The following KHDRBS2 variants were observed in gnomAD, a reference collection of about 807,000 sequenced individuals.
KHDRBS2 encodes the protein KH domain-containing, RNA-binding, signal transduction-associated protein 2.
A neutral mutation model predicts 44.3 loss-of-function variants in KHDRBS2; 26 were observed. The ratio of observed to expected loss-of-function variants is 0.59; its 90% confidence interval spans 0.43 to 0.81. KHDRBS2 has a LOEUF of 0.81. KHDRBS2 is among the 40% of genes least tolerant of loss of function. The pLI is 0.00. For synonymous variants in KHDRBS2, 194 were observed against 151.1 expected, an observed-to-expected ratio of 1.28 and a Z score of -2.08; for missense variants, 476 against 433.1, an observed-to-expected ratio of 1.10 and a Z score of -0.88.
At chr6:61,807,810 C>T (rs1489357487) in intron 6 of KHDRBS2, among the ~76,000 whole-genome samples, 1 of 151,932 alleles carries the variant, frequency 6.6e-6, no homozygotes, top group Non-Finnish European at 1.5e-5. Flanking sequence ...CACATGTACC[C>T]CTGAACCTAA....
At chr6:61,857,590 T>TAA (rs4038087) in intron 6 of KHDRBS2, among the ~76,000 whole-genome samples, 1 of 151,168 alleles carries the variant, frequency 6.6e-6, no homozygotes, top group Non-Finnish European at 1.5e-5. Flanking sequence ...ACTTCATATT[T>TAA]ATTTTTCATA....
chr6:61,689,309 C>T (rs149835196), intron 8 of KHDRBS2, among the ~76,000 whole-genome samples: 2 of 152,040 alleles, frequency 1.3e-5, no homozygotes, highest in African/African-American at 2.4e-5. Flanking sequence ...AAGTATAGCA[C>T]TTTCCTTTTT....
At chr6:62,003,162 G>A (rs1778583309) in intron 3 of KHDRBS2, among the ~76,000 whole-genome samples, 1 of 151,856 alleles carries the variant, frequency 6.6e-6, no homozygotes, top group Non-Finnish European at 1.5e-5. Context: ...TCCAAGTCAT[G>A]GGTTTCTAGT....
chr6:62,210,419 C>T (rs926606450), intron 1 of KHDRBS2, among the ~76,000 whole-genome samples: 8 of 150,934 alleles, frequency 5.3e-5, no homozygotes, highest in African/African-American at 1.5e-4. Flanking sequence ...CAAACTCCGC[C>T]TCCCAGGTTC....
At chr6:62,073,239 A>G (rs1477779757) in intron 2 of KHDRBS2, among the ~76,000 whole-genome samples, 3 of 151,790 alleles carry the variant, frequency 2.0e-5, no homozygotes, top group African/African-American at 4.8e-5. Context: ...TTATCTGTAC[A>G]TGTCATAGTT....
At chr6:61,796,026 A>T (rs997284503) in intron 6 of KHDRBS2, among the ~76,000 whole-genome samples, 3 of 152,098 alleles carry the variant, frequency 2.0e-5, no homozygotes, top group Non-Finnish European at 4.4e-5. Context: ...GTCACTTTTA[A>T]CTGAGTAATC....
At chr6:61,932,854 T>C (rs988568178) in intron 4 of KHDRBS2, among the ~76,000 whole-genome samples, 2 of 152,182 alleles carry the variant, frequency 1.3e-5, no homozygotes, top group African/African-American at 4.8e-5. Flanking sequence ...ACTTGGCTTC[T>C]TTCCATTAAA....
At chr6:62,080,920 T>A (rs1797268892) in intron 2 of KHDRBS2, among the ~76,000 whole-genome samples, 1 of 152,132 alleles carries the variant, frequency 6.6e-6, no homozygotes. Flanking sequence ...AGCCTTCTTC[T>A]ATAGCTTATG....
At chr6:61,719,316 CT>C (rs1287614325) in intron 7 of KHDRBS2, among the ~76,000 whole-genome samples, 4 of 151,636 alleles carry the variant, frequency 2.6e-5, no homozygotes, top group Admixed American at 6.6e-5. Context: ...ATGAAAACCA[CT>C]TTTTTTCTAC....
the KHDRBS2 span, among the ~76,000 whole-genome samples, chr6:61,642,381 C>T: frequency 1.3e-5 from 2 of 151,654 alleles, no homozygotes; most frequent in Non-Finnish European, 2.9e-5. Flanking sequence ...TTAGGCCAGG[C>T]GCTGTGGCTC....
At chr6:61,770,289 C>A (rs1279146144) in intron 6 of KHDRBS2, among the ~76,000 whole-genome samples, 1 of 152,202 alleles carries the variant, frequency 6.6e-6, no homozygotes, top group Non-Finnish European at 1.5e-5. Flanking sequence ...CTCTCCTCCT[C>A]CAAAGGAAGG....
chr6:61,998,965 G>A (rs1299005779), intron 3 of KHDRBS2, among the ~76,000 whole-genome samples: 1 of 151,854 alleles, frequency 6.6e-6, no homozygotes, highest in African/African-American at 2.4e-5. Context: ...ATAAGCTTTA[G>A]GCTTAGCTAT....
the KHDRBS2 span, among the ~76,000 whole-genome samples, chr6:61,665,381 TTATAAG>T: frequency 2.6e-5 from 4 of 151,432 alleles, no homozygotes; most frequent in African/African-American, 9.7e-5. Context: ...GTTGCATCAC[TTATAAG>T]TAATGCTTGC....
the KHDRBS2 span, among the ~76,000 whole-genome samples, chr6:61,581,956 A>T: frequency 4.6e-5 from 7 of 151,822 alleles, no homozygotes; most frequent in Admixed American, 4.6e-4. Context: ...GACATAAGTA[A>T]CAAGGGTGTA....
In KHDRBS2 at chr6:61,931,067, A is replaced by G. The variant is rs73760133; in HGVS notation, c.484-29696T>C. 6.7e-3 allele frequency among the ~76,000 whole-genome samples: 1,015 copies of G among 152,152 alleles called. 8 individuals are homozygous for G. The highest frequency in any genetic ancestry group is 0.023 in the African/African-American group (961 of 41,556). On this transcript the variant is annotated intron_variant, in intron 4 of 8. Coordinates refer to ENST00000281156, the MANE Select transcript of KHDRBS2 (RefSeq NM_152688.4). ...ATGTGAATCAACAAAAAATTCAATC[A>G]TATTACACATATACAATAAAATATT...
intron 2 of KHDRBS2, among the ~76,000 whole-genome samples, chr6:62,163,500 T>A (rs1250742787): frequency 6.6e-6 from 1 of 152,038 alleles, no homozygotes; most frequent in Non-Finnish European, 1.5e-5. Context: ...GGTAGAACAT[T>A]TAGCCGTATG....
rs139334986 is a variant in KHDRBS2, at chr6:61,803,145, C to T, written c.811-70381G>A. ...TCATGATGCCTTGCTTCCTCCTACTCCTCATAATCAATTCTTTAGTAGTTG... is the reference window on the plus strand; with the variant it reads ...TCATGATGCCTTGCTTCCTCCTACTTCTCATAATCAATTCTTTAGTAGTTG... On this transcript the variant is annotated intron_variant, in intron 6 of 8. Transcript: ENST00000281156. 8.3e-3 allele frequency among the ~76,000 whole-genome samples: 1,265 copies of T among 152,292 alleles called. 9 individuals are homozygous for T. Among genetic ancestry groups the T allele is most frequent in the Middle Eastern group, 0.02 (6 of 294 alleles).
At chr6:61,687,986 G>T (rs1183302116) in intron 8 of KHDRBS2, among the ~76,000 whole-genome samples, 1 of 151,618 alleles carries the variant, frequency 6.6e-6, no homozygotes, top group Non-Finnish European at 1.5e-5. Flanking sequence ...TTCAGTTCTA[G>T]TCCCTGTCCT....
the KHDRBS2 span, among the ~76,000 whole-genome samples, chr6:61,650,753 G>T: frequency 6.6e-6 from 1 of 152,004 alleles, no homozygotes; most frequent in Non-Finnish European, 1.5e-5. Flanking sequence ...ATTGTAATCA[G>T]TTGTTCTCCA....
Sources: allele counts gnomAD v4.1 joint callset (sites outside exome capture counted in the v4.1 genomes callset), GRCh38; gene constraint gnomAD v4.1.1; transcripts MANE v1.5; gene names NCBI Gene and HGNC (gene_info 2026-07-23, HGNC 2026-07-21).